Variants in RHPN2 observed in about 807,000 individuals in gnomAD.
RHPN2 encodes the protein rhophilin-2.
In RHPN2, 40 loss-of-function variants were observed where a neutral mutation model predicts 79.0. The ratio of observed to expected loss-of-function variants is 0.51; its 90% CI spans 0.39 to 0.66. The LOEUF (loss-of-function observed/expected upper bound fraction) is 0.66, where lower values mean the gene tolerates loss of function less well. Ranked by LOEUF, RHPN2 falls within the 30% of genes least tolerant of loss-of-function variation. The pLI is 0.00. For missense variants in RHPN2, 686 were observed against 883.5 expected (o/e 0.78, Z 2.83); for synonymous variants, 285 against 363.5 (o/e 0.78, Z 2.46).
At chr19:33,038,611 C>T (rs530349308) in intron 2 of RHPN2, among the ~76,000 whole-genome samples, 1 of 152,220 alleles carries the variant, frequency 6.6e-6, no homozygotes, top group East Asian at 1.9e-4. Context: ...GCCTCAGCCT[C>T]CCAAGTAGCT....
intron 1 of RHPN2, 29 bp downstream of exon 1, chr19:33,064,755 T>TGGGGCCCCCC: frequency 4.9e-6 from 7 of 1,427,948 alleles, no homozygotes; most frequent in Non-Finnish European, 5.7e-6. Context: ...AGCCCGCAGG[T>TGGGGCCCCCC]CCCCGCCCGC....
At chr19:32,998,827 T>G (rs961652058) in intron 10 of RHPN2, among the ~76,000 whole-genome samples, 471 of 25,014 alleles carry the variant, frequency 0.019, no homozygotes, top group African/African-American at 0.024. Flanking sequence ...AGGGGAAGGG[T>G]GAGGGGAGGA....
At chr19:33,029,914 C>T (rs763057208) in intron 2 of RHPN2, among the ~76,000 whole-genome samples, 3 of 152,320 alleles carry the variant, frequency 2.0e-5, no homozygotes, top group Non-Finnish European at 4.4e-5. Flanking sequence ...TGACAACACA[C>T]GTAAAATGCC....
At chr19:33,064,414 AG>A (rs1972308567) in intron 1 of RHPN2, among the ~76,000 whole-genome samples, 2 of 144,916 alleles carry the variant, frequency 1.4e-5, no homozygotes, top group South Asian at 4.8e-4. Context: ...CCAGAGGCCA[AG>A]GGCGCCAGCG....
Position 33,002,970 on chromosome 19 carries a change from G to A in RHPN2, c.791C>T (p.Thr264Ile), listed in dbSNP as rs771075571. The A allele has an allele frequency of 2.5e-6, 4 of 1,613,948 alleles. No homozygotes were observed. In the South Asian group the frequency reaches 3.3e-5, roughly 13 times the overall value. Residue 264 changes from threonine (T) to isoleucine (I), a missense_variant, in exon 8 of 15, where the codon ACC (threonine) becomes ATC (isoleucine). Physicochemically the swap from Thr to Ile is moderately conservative, Grantham distance 89. Coordinates refer to ENST00000254260, the MANE Select transcript of RHPN2 (RefSeq NM_033103.5). ...GCTCATGTCGTAACTTGGAGTATGG[G>A]TAAATGTGTCTTTCAGGTAATTTAA... The part of the protein sequence containing the change: ...GVLNYLKDTF[T>I]HTPSYDMSPA...
intron 4 of RHPN2, among the ~76,000 whole-genome samples, chr19:33,019,296 T>G (rs1159158918): frequency 6.6e-6 from 1 of 151,724 alleles, no homozygotes; most frequent in Non-Finnish European, 1.5e-5. Flanking sequence ...AATACAAAAA[T>G]TAGCCAGGCA....
rs568890822 is a variant in RHPN2 at position 33,012,899 on chromosome 19, G to A, written c.391-175C>T. On this transcript the variant is annotated intron_variant, in intron 4 of 14. Coordinates refer to ENST00000254260, the MANE Select transcript of RHPN2 (RefSeq NM_033103.5). ...TAATTTATGTAGTTTTTTTTAATACGGAGTCTCTCTTTGTAGCCCAGGCTG... is the reference window on the plus strand; with the variant it reads ...TAATTTATGTAGTTTTTTTTAATACAGAGTCTCTCTTTGTAGCCCAGGCTG... Among the ~76,000 whole-genome samples the A allele has an allele frequency of 1.5e-4, 23 of 151,898 alleles. No homozygotes were observed. The South Asian group carries it at 4.4e-3, about 29-fold the overall frequency.
In RHPN2 at chr19:32,995,982, G is replaced by A. The variant is rs368926631; in HGVS notation, c.1420+44C>T. 4,316 of 1,604,592 alleles carry A rather than the reference G, an allele frequency of 2.7e-3. 58 individuals carry two copies. Among genetic ancestry groups the A allele is most frequent in the South Asian group, 0.025 (2,298 of 90,862 alleles). ...CACAGGCCAGGCGTACTCTTTCCGC[G>A]GCACAGGCACCCCCACAGAGGGAAC... is the stretch of plus-strand genomic sequence containing the variant. On this transcript the variant is annotated intron_variant, in intron 11 of 14. Coordinates refer to ENST00000254260, the MANE Select transcript of RHPN2 (RefSeq NM_033103.5).
At chr19:33,029,543 A>G (rs549418710) in intron 2 of RHPN2, among the ~76,000 whole-genome samples, 258 of 151,996 alleles carry the variant, frequency 1.7e-3, no homozygotes, top group Middle Eastern at 0.01. Flanking sequence ...AAAAAAAAAA[A>G]AAGAAGAAGA....
chr19:33,016,933 T>A (rs916896986), intron 4 of RHPN2, among the ~76,000 whole-genome samples: 50 of 152,216 alleles, frequency 3.3e-4, no homozygotes, highest in Admixed American at 3.9e-4. Context: ...AATGACATGG[T>A]TGGAAGCCTG....
At chr19:33,053,205 T>A (rs1972203708) in intron 1 of RHPN2, among the ~76,000 whole-genome samples, 1 of 151,996 alleles carries the variant, frequency 6.6e-6, no homozygotes, top group South Asian at 2.1e-4. Context: ...GCCAGGCTGC[T>A]CTCAAACTCC....
intron 12 of RHPN2, chr19:32,992,272 C>T (rs1187128491): frequency 3.1e-5 from 10 of 325,482 alleles, no homozygotes; most frequent in African/African-American, 1.5e-4. Flanking sequence ...GGTATGATCT[C>T]GGCTCACTGC....
intron 9 of RHPN2, 57 bp downstream of exon 9, chr19:33,002,190 C>T (rs1001205993): frequency 3.3e-4 from 527 of 1,586,102 alleles, no homozygotes; most frequent in Non-Finnish European, 4.3e-4. Context: ...CTCAGAATCG[C>T]CCCTGGGGCA....
chr19:32,983,762 G>T (rs1349881474), intron 14 of RHPN2, among the ~76,000 whole-genome samples: 3 of 151,720 alleles, frequency 2.0e-5, no homozygotes, highest in Non-Finnish European at 4.4e-5. Context: ...AAGTAGCTGG[G>T]ATTACAGGCA....
intron 10 of RHPN2, among the ~76,000 whole-genome samples, chr19:32,997,922 A>T (rs1971715733): frequency 6.6e-6 from 1 of 152,170 alleles, no homozygotes; most frequent in Non-Finnish European, 1.5e-5. Context: ...GTGTGCCTGG[A>T]GGCAGGGAGG....
chr19:33,003,463 A>G (rs1403909829), intron 7 of RHPN2, among the ~76,000 whole-genome samples: 2 of 151,964 alleles, frequency 1.3e-5, no homozygotes, highest in African/African-American at 4.8e-5. Flanking sequence ...TGGTCCAGCA[A>G]TTCCACTCCT....
chr19:33,015,346 GC>G (rs1971868861), intron 4 of RHPN2, among the ~76,000 whole-genome samples: 2 of 152,126 alleles, frequency 1.3e-5, no homozygotes, highest in African/African-American at 4.8e-5. Flanking sequence ...AATAGCTTGA[GC>G]CCAGGAGGCA....
chr19:33,007,963 G>A (rs1971806107), intron 7 of RHPN2, 51 bp downstream of exon 7: 1 of 1,603,764 alleles, frequency 6.2e-7, no homozygotes, highest in Non-Finnish European at 8.5e-7. Flanking sequence ...GTCCCCTGGT[G>A]CCACCGGGTG....
At chr19:32,988,067 T>C (rs1410894957) in intron 14 of RHPN2, among the ~76,000 whole-genome samples, 2 of 151,864 alleles carry the variant, frequency 1.3e-5, no homozygotes, top group Admixed American at 6.6e-5. Flanking sequence ...GGCATAGTGG[T>C]ACACACCTGT....
Sources: gnomAD v4.1 joint callset for allele counts (sites outside exome capture counted in the v4.1 genomes callset) on GRCh38, gnomAD v4.1.1 for gene constraint, MANE v1.5 for transcripts, NCBI Gene and HGNC (gene_info 2026-07-23, HGNC 2026-07-21) for gene names.